Variants in NUP214 observed in about 807,000 individuals in gnomAD.
NUP214 encodes the protein nuclear pore complex protein Nup214.
Under a neutral mutation model 196.2 loss-of-function variants are expected in NUP214, and 79 were observed. That is an observed-to-expected ratio of 0.40 (90% CI 0.34 to 0.49). NUP214 has a LOEUF of 0.49. Ranked by LOEUF, NUP214 falls within the 20% of genes least tolerant of loss-of-function variation. The probability of loss-of-function intolerance (pLI) is 0.58; values close to 1 mark genes in which losing one functional copy is unlikely to be tolerated. For synonymous variants in NUP214, 1,020 were observed against 990.5 expected, an observed-to-expected ratio of 1.03 and a Z score of -0.56; for missense variants, 2,468 against 2,539.0, an observed-to-expected ratio of 0.97 and a Z score of 0.60.
intron 31 of NUP214, among the ~76,000 whole-genome samples, chr9:131,216,286 G>A (rs144850675): frequency 0.04 from 5,992 of 149,170 alleles, 154 homozygotes; most frequent in African/African-American, 0.077. Context: ...GTGCAGTGGC[G>A]TGATCTTGGC....
intron 31 of NUP214, among the ~76,000 whole-genome samples, chr9:131,222,127 T>C (rs1312443900): frequency 6.6e-6 from 1 of 152,234 alleles, no homozygotes; most frequent in Non-Finnish European, 1.5e-5. Flanking sequence ...AGAGGAAATC[T>C]GACTGGAAGT....
At chr9:131,196,025 T>TCCGTCCCCCCCCCCCCCCCCC (rs1554737948) in intron 28 of NUP214, among the ~76,000 whole-genome samples, 1 of 3,666 alleles carries the variant, frequency 2.7e-4, no homozygotes, top group Non-Finnish European at 6.3e-4. Context: ...ACTCTGTGTG[T>TCCGTCCCCCCCCCCCCCCCCC]CCCCCCCCCC....
chr9:131,132,904 AT>A, intron 6 of NUP214: 2 of 621,142 alleles, frequency 3.2e-6, no homozygotes, highest in South Asian at 4.1e-5. Context: ...ATTTGCCCTG[AT>A]TATAATCCAG....
At chr9:131,230,888 A>C in intron 34 of NUP214, 119 bp downstream of exon 34, 1 of 1,190,444 alleles carries the variant, frequency 8.4e-7, no homozygotes, top group East Asian at 2.6e-5. Context: ...CTGACTGGGC[A>C]CGTGGTTCAC....
At chr9:131,130,301 G>T (rs919172464) in intron 4 of NUP214, among the ~76,000 whole-genome samples, 4 of 151,696 alleles carry the variant, frequency 2.6e-5, no homozygotes, top group African/African-American at 9.7e-5. Context: ...CTGCCACCAT[G>T]CCCAGCTAAT....
rs544491426 is a variant in NUP214, at chr9:131,136,075, C to G, written c.1005+69C>G. On this transcript the variant is annotated intron_variant, in intron 9 of 35. Coordinates refer to ENST00000359428, the MANE Select transcript of NUP214 (RefSeq NM_005085.4). ...ATTATTATTTTGAGACAGTCTCGCT[C>G]TGTTGTCCAGGCTGGAGTGCAGTGG... 1,035 of 1,314,754 alleles carry G rather than the reference C, an allele frequency of 7.9e-4. 1 individual carries two copies. The highest frequency in any genetic ancestry group is 9.8e-4 in the Non-Finnish European group (899 of 919,684). The allele number at this position is 1,314,754 out of a possible 1,614,324, so 81.4% of individuals were successfully genotyped here.
chr9:131,187,535 CA>C (rs1370911253), intron 25 of NUP214, among the ~76,000 whole-genome samples, 171 bp downstream of exon 25: 1 of 152,072 alleles, frequency 6.6e-6, no homozygotes, highest in South Asian at 2.1e-4. Context: ...TACAGGCACC[CA>C]CCACCATGCC....
In NUP214 at chr9:131,220,232, G is replaced by A. The variant is rs542151721; in HGVS notation, c.5750-2546G>A. Among the ~76,000 whole-genome samples, 12 of 152,226 alleles carry A rather than the reference G, an allele frequency of 7.9e-5. No homozygotes were observed. In the South Asian group the frequency reaches 1.2e-3, roughly 16 times the overall value. On this transcript the variant is annotated intron_variant, in intron 31 of 35. Transcript: ENST00000359428. The stretch of plus-strand genomic sequence containing the variant: ...TCTACAGTGAAATATTGTTCGGTCC[G>A]CCAAGATATTCTCTTATGGTAATAT...
chr9:131,216,227 T>C (rs1834391984), intron 31 of NUP214, among the ~76,000 whole-genome samples: 1 of 149,232 alleles, frequency 6.7e-6, no homozygotes, highest in Non-Finnish European at 1.5e-5. Context: ...TTTTTTTTTT[T>C]TTCTTTTTTC....
Position 131,174,114 on chromosome 9 carries a change from A to G in NUP214, c.2953A>G (p.Ser985Gly). The G allele has an allele frequency of 1.2e-6, 2 of 1,613,758 alleles. No homozygotes were observed. Among genetic ancestry groups the G allele is most frequent in the Non-Finnish European group, 1.7e-6 (2 of 1,179,906 alleles). The change falls in exon 22 of 36, where the codon AGC (serine) becomes GGC (glycine). Residue 985 changes from serine (S) to glycine (G), a missense_variant. By Grantham distance (56) the Ser-to-Gly change is moderately conservative. Around this residue, in one of 5 missense-constraint regions of NUP214, gnomAD observed 1,801 missense variants for 1,779.4 expected, o/e 1.01. Coordinates refer to ENST00000359428, the MANE Select transcript of NUP214 (RefSeq NM_005085.4). ...QRYYEDLDEV[S>G]STSSVSQSLE... ...ATATTATGAAGACTTGGATGAAGTC[A>G]GCTCAACGTCATCTGTCTCCCAGTC...
intron 23 of NUP214, among the ~76,000 whole-genome samples, chr9:131,177,210 A>G (rs1321422616): frequency 6.6e-6 from 1 of 152,244 alleles, no homozygotes; most frequent in African/African-American, 2.4e-5. Flanking sequence ...AAATTCAAAT[A>G]TTAAAACCTT....
Position 131,184,895 on chromosome 9 carries a change from C to T in NUP214, c.3420-2394C>T, listed in dbSNP as rs967358119. Among the ~76,000 whole-genome samples the T allele has an allele frequency of 3.9e-5, 6 of 152,338 alleles. No homozygotes were observed. In the South Asian group the frequency reaches 1.2e-3, roughly 32 times the overall value. Reference sequence around the variant, plus strand: ...AGTGTTTGTTTTCAGTATCTTCTATCATTTTCATTCTTTTTCCCTGTTGAT... The same window carrying T: ...AGTGTTTGTTTTCAGTATCTTCTATTATTTTCATTCTTTTTCCCTGTTGAT... On this transcript the variant is annotated intron_variant, in intron 24 of 35. Coordinates refer to ENST00000359428, the MANE Select transcript of NUP214 (RefSeq NM_005085.4).
chr9:131,129,431 A>G lies in NUP214; in HGVS notation c.546A>G (p.Thr182=), dbSNP rs753141220. The G allele has an allele frequency of 1.2e-5, 20 of 1,614,236 alleles. No individual in the cohort carries two copies. Among genetic ancestry groups the G allele is most frequent in the Non-Finnish European group, 1.7e-5 (20 of 1,180,030 alleles). ...GSIAVLQVTE[T]VKVCATLPST... ...TTGCTGTCCTGCAAGTCACGGAAAC[A>G]GTGAAAGTATGTGCAACTCTTCCTT... The change falls in exon 4 of 36, where the codon ACA becomes ACG. Residue 182 remains threonine, a synonymous_variant. Coordinates refer to ENST00000359428, the MANE Select transcript of NUP214 (RefSeq NM_005085.4).
At chr9:131,199,095 A>G (rs1833877407) in intron 29 of NUP214, 80 bp downstream of exon 29, 1 of 1,487,288 alleles carries the variant, frequency 6.7e-7, no homozygotes, top group African/African-American at 1.4e-5. Context: ...TTACTTTTGT[A>G]ATTAAAGGGG....
In NUP214 at chr9:131,129,163, A is replaced by C. The variant is rs536667837; in HGVS notation, c.394-116A>C. ...AAACAATCTTTTTTTATGGTTATGGAGAAAAATAAACTGATTTGAGATACC... is the reference window on the plus strand; with the variant it reads ...AAACAATCTTTTTTTATGGTTATGGCGAAAAATAAACTGATTTGAGATACC... On this transcript the variant is annotated intron_variant, in intron 3 of 35. Coordinates refer to ENST00000359428, the MANE Select transcript of NUP214 (RefSeq NM_005085.4). The C allele has an allele frequency of 5.9e-5, 50 of 852,776 alleles. No homozygotes were observed. The East Asian group carries it at 1.3e-3, about 22-fold the overall frequency. The allele number at this position is 852,776 out of a possible 1,614,324, so 52.8% of individuals were successfully genotyped here.
chr9:131,217,482 G>A (rs941180910), intron 31 of NUP214, among the ~76,000 whole-genome samples: 3 of 152,202 alleles, frequency 2.0e-5, no homozygotes, highest in Non-Finnish European at 4.4e-5. Flanking sequence ...CACACAGCTG[G>A]CTGGCACCAC....
chr9:131,160,110 G>A (rs1186070928), intron 18 of NUP214, among the ~76,000 whole-genome samples: 4 of 151,704 alleles, frequency 2.6e-5, no homozygotes, highest in Non-Finnish European at 5.9e-5. Flanking sequence ...CCATTGACTA[G>A]CATGTTCTCC....
chr9:131,213,751 CTGTTGTTGTTGTTGTTGT>C (rs55661030), intron 30 of NUP214, among the ~76,000 whole-genome samples: 41 of 147,646 alleles, frequency 2.8e-4, no homozygotes, highest in African/African-American at 9.3e-4. Flanking sequence ...TGAATTGGTA[CTGTTGTTGTTGTTGTTGT>C]TGTTGTTGTT....
intron 14 of NUP214, among the ~76,000 whole-genome samples, chr9:131,148,789 C>T (rs1443260218): frequency 6.6e-6 from 1 of 152,166 alleles, no homozygotes; most frequent in Non-Finnish European, 1.5e-5. Flanking sequence ...TGAATACACA[C>T]ACACACGCAC....
Sources: gnomAD v4.1 joint callset for allele counts (sites outside exome capture counted in the v4.1 genomes callset) on GRCh38, gnomAD v4.1.1 for gene constraint, gnomAD v4.1.1 regional missense constraint, MANE v1.5 for transcripts, NCBI Gene and HGNC (gene_info 2026-07-23, HGNC 2026-07-21) for gene names.